Variants in GMDS observed in about 807,000 individuals in gnomAD.
The protein encoded by GMDS is GDP-mannose 4,6-dehydratase.
GMDS carries 20 observed loss-of-function variants against 49.9 expected under a neutral mutation model. The ratio of observed to expected loss-of-function variants is 0.40; its 90% CI spans 0.28 to 0.58. The LOEUF is 0.58. Among genes scored for constraint, GMDS ranks in the 20% least tolerant of loss-of-function variants. The pLI is 0.42. For synonymous variants in GMDS, 177 were observed against 178.6 expected, an observed-to-expected ratio of 0.99 and a Z score of 0.07; for missense variants, 362 against 481.4, an observed-to-expected ratio of 0.75 and a Z score of 2.32.
chr6:2,027,904 C>G (rs916487258), intron 4 of GMDS, among the ~76,000 whole-genome samples: 1 of 152,006 alleles, frequency 6.6e-6, no homozygotes, highest in Non-Finnish European at 1.5e-5. Context: ...AATATATAAA[C>G]TCATTGCCAC....
At chr6:2,047,257 C>G (rs543243828) in intron 4 of GMDS, among the ~76,000 whole-genome samples, 221 of 152,232 alleles carry the variant, frequency 1.5e-3, no homozygotes, top group African/African-American at 5.2e-3. Flanking sequence ...CTGCATAGTT[C>G]AAGTTATATT....
chr6:1,650,661 C>T lies in GMDS; in HGVS notation c.988-26121G>A, dbSNP rs529033974. 1.7e-4 allele frequency among the ~76,000 whole-genome samples: 26 copies of T among 152,244 alleles called. 2 individuals are homozygous for T. In the South Asian group the frequency reaches 4.6e-3, roughly 27 times the overall value. ...TGTGATCTCAGCTCACTGCAACCTC[C>T]GCCTCCCAGGTTCAAGTGATTCTCC... On this transcript the variant is annotated intron_variant, in intron 9 of 10. Coordinates refer to ENST00000380815, the MANE Select transcript of GMDS (RefSeq NM_001500.4).
intron 2 of GMDS, among the ~76,000 whole-genome samples, chr6:2,119,731 G>T (rs756898175): frequency 1.3e-5 from 2 of 152,136 alleles, no homozygotes; most frequent in Non-Finnish European, 2.9e-5. Context: ...GCTGAATTTG[G>T]CTTTATATAA....
At chr6:1,642,036 T>C (rs1763345854) in intron 9 of GMDS, among the ~76,000 whole-genome samples, 1 of 152,100 alleles carries the variant, frequency 6.6e-6, no homozygotes, top group Non-Finnish European at 1.5e-5. Flanking sequence ...CTCAGAAAGA[T>C]CGCCCTGCGT....
chr6:1,642,999 C>T (rs1363011552), intron 9 of GMDS, among the ~76,000 whole-genome samples: 1 of 152,172 alleles, frequency 6.6e-6, no homozygotes, highest in Non-Finnish European at 1.5e-5. Context: ...TTAACACAAC[C>T]ACATCATGAG....
At chr6:2,241,992 T>C (rs1345483227) in intron 1 of GMDS, among the ~76,000 whole-genome samples, 1 of 152,168 alleles carries the variant, frequency 6.6e-6, no homozygotes, top group African/African-American at 2.4e-5. Flanking sequence ...GATGAAGGCA[T>C]GTGGGAGGTA....
At chr6:1,944,324 G>A (rs187524770) in intron 6 of GMDS, among the ~76,000 whole-genome samples, 1 of 152,220 alleles carries the variant, frequency 6.6e-6, no homozygotes, top group South Asian at 2.1e-4. Flanking sequence ...GGCTAACACA[G>A]TGAAACCCCG....
intron 7 of GMDS, among the ~76,000 whole-genome samples, chr6:1,889,024 T>C (rs549590827): frequency 1.2e-4 from 18 of 152,216 alleles, no homozygotes; most frequent in Middle Eastern, 3.2e-3. Context: ...GCTGGGATTA[T>C]AGGTATGAAC....
chr6:2,113,748 C>T (rs187398856), intron 4 of GMDS, among the ~76,000 whole-genome samples: 1 of 152,194 alleles, frequency 6.6e-6, no homozygotes, highest in African/African-American at 2.4e-5. Flanking sequence ...GAAACCCCCA[C>T]AGCAGAGGTG....
chr6:1,920,489 T>C (rs965761392), intron 7 of GMDS, among the ~76,000 whole-genome samples: 1 of 152,230 alleles, frequency 6.6e-6, no homozygotes, highest in South Asian at 2.1e-4. Context: ...GATTAACGTA[T>C]GGTATGTGTG....
At chr6:2,088,157 G>A (rs759903893) in intron 4 of GMDS, among the ~76,000 whole-genome samples, 12 of 151,996 alleles carry the variant, frequency 7.9e-5, no homozygotes, top group Non-Finnish European at 1.2e-4. Flanking sequence ...AAACAAGAAT[G>A]TTATGGAAGA....
chr6:1,853,228 T>C (rs895455723), intron 7 of GMDS, among the ~76,000 whole-genome samples: 3 of 151,600 alleles, frequency 2.0e-5, no homozygotes, highest in African/African-American at 4.8e-5. Context: ...CTGAAGATTA[T>C]ATAAGGAGGG....
chr6:2,064,148 T>C (rs932145028), intron 4 of GMDS, among the ~76,000 whole-genome samples: 4 of 152,132 alleles, frequency 2.6e-5, no homozygotes, highest in Non-Finnish European at 4.4e-5. Flanking sequence ...AAAGAGTAGA[T>C]CTCATATTTT....
At chr6:1,785,538 C>A (rs1020963118) in intron 7 of GMDS, among the ~76,000 whole-genome samples, 2 of 152,200 alleles carry the variant, frequency 1.3e-5, no homozygotes, top group Non-Finnish European at 2.9e-5. Flanking sequence ...GGCCCTTCTA[C>A]GCAGCCCTCG....
intron 7 of GMDS, among the ~76,000 whole-genome samples, chr6:1,899,764 AAC>A (rs1447616304): frequency 6.6e-6 from 1 of 152,164 alleles, no homozygotes; most frequent in East Asian, 1.9e-4. Context: ...GAGCAAAGAG[AAC>A]ACAGTCGCCA....
At chr6:1,908,210 G>T (rs1760875831) in intron 7 of GMDS, among the ~76,000 whole-genome samples, 2 of 152,202 alleles carry the variant, frequency 1.3e-5, no homozygotes, top group Admixed American at 1.3e-4. Flanking sequence ...AACGAAGTGG[G>T]ATGGTGTGAG....
intron 6 of GMDS, among the ~76,000 whole-genome samples, chr6:1,946,717 C>T (rs1337124513): frequency 1.3e-5 from 2 of 152,140 alleles, no homozygotes; most frequent in African/African-American, 2.4e-5. Context: ...GATCACAGGG[C>T]ATGCTCAGCC....
chr6:2,235,538 G>A (rs1781316843), intron 1 of GMDS, among the ~76,000 whole-genome samples: 1 of 152,118 alleles, frequency 6.6e-6, no homozygotes, highest in Non-Finnish European at 1.5e-5. Context: ...AGGCACAGTG[G>A]CTGACACCTG....
At chr6:2,049,726 C>A (rs575823625) in intron 4 of GMDS, among the ~76,000 whole-genome samples, 2 of 152,004 alleles carry the variant, frequency 1.3e-5, no homozygotes, top group Non-Finnish European at 2.9e-5. Context: ...TAGAGCGATG[C>A]CTCAAAACCG....
Sources: allele counts gnomAD v4.1 joint callset (sites outside exome capture counted in the v4.1 genomes callset), GRCh38; gene constraint gnomAD v4.1.1; transcripts MANE v1.5; gene names NCBI Gene and HGNC (gene_info 2026-07-23, HGNC 2026-07-21).